Variants in TRHDE observed in about 807,000 individuals in gnomAD.
TRHDE encodes the protein thyrotropin releasing hormone degrading enzyme, also known as thyrotropin-releasing hormone-degrading ectoenzyme.
A neutral mutation model predicts 125.7 loss-of-function variants in TRHDE; 72 were observed. The observed-to-expected ratio is 0.57, with a 90% CI of 0.47 to 0.70. The LOEUF is 0.70. Among genes scored for constraint, TRHDE ranks in the 30% least tolerant of loss-of-function variants. The probability of loss-of-function intolerance (pLI) is 0.00; values close to 1 mark genes in which losing one functional copy is unlikely to be tolerated. For synonymous variants in TRHDE, 509 were observed against 509.1 expected (o/e 1.00, Z 0.00); for missense variants, 1,110 against 1,327.1 (o/e 0.84, Z 2.54).
At chr12:72,381,318 A>C (rs1328691715) in intron 3 of TRHDE, among the ~76,000 whole-genome samples, 2 of 152,134 alleles carry the variant, frequency 1.3e-5, no homozygotes, top group Non-Finnish European at 2.9e-5. Context: ...AATATGATGG[A>C]TGCTTGGATG....
chr12:72,185,246 T>G (rs973936730), intron 2 of TRHDE, among the ~76,000 whole-genome samples: 4 of 152,334 alleles, frequency 2.6e-5, no homozygotes, highest in Non-Finnish European at 5.9e-5. Flanking sequence ...ACCGGGGCTG[T>G]GCTCGATTTC....
chr12:72,546,014 G>C (rs959513354), intron 7 of TRHDE, among the ~76,000 whole-genome samples: 1 of 151,516 alleles, frequency 6.6e-6, no homozygotes, highest in South Asian at 2.1e-4. Flanking sequence ...GACGTTACAG[G>C]GAACTCAAAC....
At chr12:72,468,345 T>C (rs1173949776) in intron 3 of TRHDE, among the ~76,000 whole-genome samples, 4 of 152,240 alleles carry the variant, frequency 2.6e-5, no homozygotes, top group African/African-American at 4.8e-5. Context: ...ATTGTTTTGA[T>C]TGCTGTGTAA....
intron 12 of TRHDE, among the ~76,000 whole-genome samples, chr12:72,576,888 T>C (rs1295844510): frequency 2.0e-5 from 3 of 152,116 alleles, no homozygotes; most frequent in African/African-American, 2.4e-5. Context: ...ATTTGTGTAA[T>C]AAGAACTGGG....
At chr12:72,484,389 G>A (rs1877311306) in intron 5 of TRHDE, among the ~76,000 whole-genome samples, 1 of 152,046 alleles carries the variant, frequency 6.6e-6, no homozygotes, top group South Asian at 2.1e-4. Context: ...TAAAATCTAT[G>A]GACAGGATCC....
chr12:72,446,842 G>A (rs1426139718), intron 3 of TRHDE, among the ~76,000 whole-genome samples: 2 of 151,880 alleles, frequency 1.3e-5, no homozygotes, highest in Non-Finnish European at 2.9e-5. Context: ...TGCACCCAAT[G>A]CAGGAGCACC....
At chr12:72,521,023 A>G (rs1879169942) in intron 6 of TRHDE, among the ~76,000 whole-genome samples, 1 of 152,218 alleles carries the variant, frequency 6.6e-6, no homozygotes, top group South Asian at 2.1e-4. Flanking sequence ...GCTCGTGAGT[A>G]GCAGAACCAA....
At chr12:72,649,907 C>CA (rs2136108017) in intron 15 of TRHDE, among the ~76,000 whole-genome samples, 1 of 152,130 alleles carries the variant, frequency 6.6e-6, no homozygotes, top group East Asian at 1.9e-4. Flanking sequence ...GTGGAGAAAT[C>CA]AATACCCTTC....
chr12:72,585,099 C>G (rs1871384630), intron 12 of TRHDE, among the ~76,000 whole-genome samples: 1 of 152,158 alleles, frequency 6.6e-6, no homozygotes, highest in South Asian at 2.1e-4. Flanking sequence ...TGGCTGTTGG[C>G]AACCATTTGC....
At chr12:72,114,273 C>G (rs1875391551) in intron 2 of TRHDE, among the ~76,000 whole-genome samples, 1 of 151,906 alleles carries the variant, frequency 6.6e-6, no homozygotes. Flanking sequence ...CCTGCAACAA[C>G]TGAGGTGTTA....
chr12:72,435,469 C>T (rs949291047), intron 3 of TRHDE, among the ~76,000 whole-genome samples: 1 of 151,994 alleles, frequency 6.6e-6, no homozygotes, highest in Admixed American at 6.6e-5. Context: ...ATGATTCTCA[C>T]CTAAATCTCT....
chr12:72,376,017 C>G (rs906719268), intron 2 of TRHDE, among the ~76,000 whole-genome samples: 2 of 152,156 alleles, frequency 1.3e-5, no homozygotes, highest in African/African-American at 2.4e-5. Flanking sequence ...CTCCAAAGGA[C>G]TATCTCTGGG....
chr12:72,283,975 A>G (rs1308119935), intron 1 of TRHDE, among the ~76,000 whole-genome samples: 1 of 82,616 alleles, frequency 1.2e-5, no homozygotes, highest in Non-Finnish European at 2.9e-5. Context: ...AATTGGTTAT[A>G]TCTTAAAAAA....
At chr12:72,516,647 G>T (rs559846363) in intron 6 of TRHDE, among the ~76,000 whole-genome samples, 14 of 151,646 alleles carry the variant, frequency 9.2e-5, no homozygotes, top group Non-Finnish European at 1.5e-4. Context: ...TCCTTCTCCT[G>T]CCTAATTGCC....
chr12:72,107,922 C>A (rs949632642), intron 2 of TRHDE, among the ~76,000 whole-genome samples: 2 of 152,090 alleles, frequency 1.3e-5, no homozygotes, highest in Non-Finnish European at 2.9e-5. Context: ...ATACTTGCTT[C>A]CCTGGAACCG....
intron 10 of TRHDE, among the ~76,000 whole-genome samples, chr12:72,575,048 T>C (rs1870925830): frequency 6.6e-6 from 1 of 152,064 alleles, no homozygotes; most frequent in African/African-American, 2.4e-5. Context: ...AAGAAAACAA[T>C]TAATTGAGAT....
chr12:72,583,770 C>G (rs952468550), intron 12 of TRHDE, among the ~76,000 whole-genome samples: 1 of 152,044 alleles, frequency 6.6e-6, no homozygotes, highest in African/African-American at 2.4e-5. Context: ...TAATACATTC[C>G]TTTGAGCTGT....
intron 9 of TRHDE, among the ~76,000 whole-genome samples, chr12:72,565,606 T>C (rs1365027039): frequency 6.6e-6 from 1 of 152,164 alleles, no homozygotes; most frequent in East Asian, 1.9e-4. Context: ...CTGCAGAGAA[T>C]TTTACTAACC....
At position 72,568,658 on chromosome 12, in the gene TRHDE, T is replaced by C; in HGVS notation, c.2131+2T>C. Reference sequence around the variant, plus strand: ...TTATTTGGGTGTCTAACAAATCAGGTAAACTATATATTCTCCCCTGAGGAA... The same window carrying C: ...TTATTTGGGTGTCTAACAAATCAGGCAAACTATATATTCTCCCCTGAGGAA... On this transcript the variant is annotated splice_donor_variant, in intron 10 of 18. Coordinates refer to ENST00000261180, the MANE Select transcript of TRHDE (RefSeq NM_013381.3). LOFTEE classifies it high-confidence loss of function. The C allele has an allele frequency of 1.3e-6, 2 of 1,595,472 alleles. No individual in the cohort carries two copies. Among genetic ancestry groups the C allele is most frequent in the Non-Finnish European group, 8.6e-7 (1 of 1,163,966 alleles).
Sources: allele counts gnomAD v4.1 joint callset (sites outside exome capture counted in the v4.1 genomes callset), GRCh38; gene constraint gnomAD v4.1.1; transcripts MANE v1.5; gene names NCBI Gene and HGNC (gene_info 2026-07-23, HGNC 2026-07-21).